DSCAM: variants seen among roughly 807,000 people sequenced by gnomAD.
DSCAM encodes the protein DS cell adhesion molecule.
A neutral mutation model predicts 217.7 loss-of-function variants in DSCAM; 47 were observed. The ratio of observed to expected loss-of-function variants is 0.22; its 90% CI spans 0.17 to 0.28. The LOEUF (loss-of-function observed/expected upper bound fraction) is 0.28. DSCAM is among the 10% of genes least tolerant of loss of function. The pLI, the probability that DSCAM is intolerant of heterozygous loss-of-function variation, is 1.00. For missense variants in DSCAM, 2,080 were observed against 2,618.3 expected (o/e 0.79, Z 4.49); for synonymous variants, 1,056 against 1,015.3 (o/e 1.04, Z -0.76).
Position 40,547,239 on chromosome 21 carries a change from T to C in DSCAM, c.508+145571A>G, listed in dbSNP as rs575924893. Among the ~76,000 whole-genome samples, 12 of 152,178 alleles carry C rather than the reference T, an allele frequency of 7.9e-5. No individual in the cohort carries two copies. In the South Asian group the frequency reaches 2.5e-3, roughly 32 times the overall value. ...TTCTAGAATCCATTTTTCTCCACAC[T>C]CCCACACCACGGCCTTCCTTTCTTG... is the stretch of plus-strand genomic sequence containing the variant. On this transcript the variant is annotated intron_variant, in intron 3 of 32. Coordinates refer to ENST00000400454, the MANE Select transcript of DSCAM (RefSeq NM_001389.5).
At chr21:40,114,401 C>A (rs1287564632) in intron 20 of DSCAM, among the ~76,000 whole-genome samples, 2 of 151,276 alleles carry the variant, frequency 1.3e-5, no homozygotes, top group African/African-American at 4.8e-5. Context: ...ACACCTTATA[C>A]AAAAATTAAT....
chr21:40,119,928 G>A (rs150529951), intron 20 of DSCAM, among the ~76,000 whole-genome samples: 150 of 152,130 alleles, frequency 9.9e-4, no homozygotes, highest in African/African-American at 3.2e-3. Context: ...TGAGATTCCT[G>A]CACATTTCTG....
chr21:40,655,058 G>A (rs1386603190), intron 3 of DSCAM, among the ~76,000 whole-genome samples: 18 of 152,078 alleles, frequency 1.2e-4, no homozygotes, highest in Admixed American at 9.8e-4. Flanking sequence ...GGGAGATTCC[G>A]AAGCAGCCAG....
chr21:40,273,124 A>C (rs1294291903), intron 11 of DSCAM, among the ~76,000 whole-genome samples: 2 of 152,124 alleles, frequency 1.3e-5, no homozygotes, highest in African/African-American at 4.8e-5. Flanking sequence ...CTGTGCCATC[A>C]ATATACATTT....
intron 3 of DSCAM, among the ~76,000 whole-genome samples, chr21:40,532,551 T>A (rs556779442): frequency 6.6e-6 from 1 of 152,190 alleles, no homozygotes; most frequent in South Asian, 2.1e-4. Context: ...CTCATGCAGG[T>A]CATGATTTAT....
chr21:40,212,126 C>T (rs778671849), intron 11 of DSCAM, among the ~76,000 whole-genome samples: 2 of 151,848 alleles, frequency 1.3e-5, no homozygotes, highest in Admixed American at 6.6e-5. Flanking sequence ...TGCACCACCA[C>T]GCCTGGCTAA....
intron 1 of DSCAM, among the ~76,000 whole-genome samples, chr21:40,803,786 A>C (rs1001297219): frequency 3.3e-5 from 5 of 152,082 alleles, no homozygotes; most frequent in Admixed American, 6.5e-5. Context: ...GAAAAAAAAA[A>C]CACCTTTATA....
At chr21:40,210,528 G>A (rs2091171493) in intron 11 of DSCAM, among the ~76,000 whole-genome samples, 1 of 152,092 alleles carries the variant, frequency 6.6e-6, no homozygotes, top group Admixed American at 6.6e-5. Flanking sequence ...CAGTAGACTA[G>A]ATGCCTTCAT....
chr21:40,793,801 T>G (rs1042565472), intron 1 of DSCAM, among the ~76,000 whole-genome samples: 1 of 152,108 alleles, frequency 6.6e-6, no homozygotes. Context: ...TGTTCTACCA[T>G]TTTTTATAGG....
At position 40,062,861 on chromosome 21, in the gene DSCAM, G is replaced by A; in HGVS notation, c.4919+8C>T. On this transcript the variant is annotated splice_region_variant and intron_variant, in intron 28 of 32. Coordinates refer to ENST00000400454, the MANE Select transcript of DSCAM (RefSeq NM_001389.5). ...CATGATATCTGGGGTGCTAGGTCTT[G>A]TTCTTACCTCATGAGCATTTCAGCT... 1 of 1,591,662 alleles carries A rather than the reference G, an allele frequency of 6.3e-7. No individual in the cohort carries two copies. The highest frequency in any genetic ancestry group is 1.4e-5 in the African/African-American group (1 of 73,794).
intron 3 of DSCAM, among the ~76,000 whole-genome samples, chr21:40,534,382 C>T (rs964146921): frequency 6.6e-6 from 1 of 152,144 alleles, no homozygotes; most frequent in African/African-American, 2.4e-5. Context: ...AGTTCAGAAG[C>T]AAGTCAAGGT....
chr21:40,541,843 AGAC>A (rs1360427415), intron 3 of DSCAM, among the ~76,000 whole-genome samples: 1 of 152,212 alleles, frequency 6.6e-6, no homozygotes, highest in East Asian at 1.9e-4. Context: ...AAGTAGTAGA[AGAC>A]AAGTATTTGG....
chr21:40,347,821 G>C lies in DSCAM; in HGVS notation c.1059C>G (p.Ile353Met), dbSNP rs749919973. The C allele has an allele frequency of 1.9e-6, 3 of 1,614,042 alleles. No individual in the cohort carries two copies. The highest frequency in any genetic ancestry group is 2.5e-6 in the Non-Finnish European group (3 of 1,180,030). The change falls in exon 6 of 33, where the codon ATC becomes ATG. Residue 353 changes from isoleucine to methionine, a missense_variant. Coordinates refer to ENST00000400454, the MANE Select transcript of DSCAM (RefSeq NM_001389.5). Reference protein sequence around the residue: ...QELSWYRNGEILNPGKNVRIT... With the variant: ...QELSWYRNGEMLNPGKNVRIT... ...TCCTCACATTTTTTCCAGGGTTGAG[G>C]ATTTCACCATTGCGGTACCAGGAGA...
At position 40,305,770 on chromosome 21, in the gene DSCAM, C is replaced by A. The variant is rs978314284; in HGVS notation, c.2062+6311G>T. Among the ~76,000 whole-genome samples the A allele has an allele frequency of 2.6e-5, 4 of 152,124 alleles. 1 individual carries two copies. On this transcript the variant is annotated intron_variant, in intron 9 of 32. Coordinates refer to ENST00000400454, the MANE Select transcript of DSCAM (RefSeq NM_001389.5). Reference sequence around the variant, plus strand: ...CAGTTGTAGATATGTGGCGTTATTTCTGAGGGCTCTGTTCTGTTCCATTGG... The same window carrying A: ...CAGTTGTAGATATGTGGCGTTATTTATGAGGGCTCTGTTCTGTTCCATTGG...
chr21:40,297,385 G>A (rs1223747150), intron 9 of DSCAM, among the ~76,000 whole-genome samples: 1 of 152,146 alleles, frequency 6.6e-6, no homozygotes, highest in African/African-American at 2.4e-5. Context: ...ATTCATTACA[G>A]GGTAGACTTT....
rs554945355 is a variant in DSCAM at position 40,345,931 on chromosome 21, C to T, written c.1210+1739G>A. On this transcript the variant is annotated intron_variant, in intron 6 of 32. Coordinates refer to ENST00000400454, the MANE Select transcript of DSCAM (RefSeq NM_001389.5). The stretch of plus-strand genomic sequence containing the variant: ...TCGGCCCCCTTTTTAGTTCAAGTGA[C>T]AGGCTCTTTTGGAGATGAAAGCAGA... Among the ~76,000 whole-genome samples the T allele has an allele frequency of 3.2e-4, 48 of 152,338 alleles. No homozygotes were observed. In the South Asian group the frequency reaches 9.5e-3, roughly 30 times the overall value.
At chr21:40,493,209 T>C (rs1436874756) in intron 3 of DSCAM, among the ~76,000 whole-genome samples, 5 of 152,296 alleles carry the variant, frequency 3.3e-5, no homozygotes, top group South Asian at 2.1e-4. Flanking sequence ...AATGTCAAAA[T>C]TTTACATTTT....
At chr21:40,659,246 T>C (rs1292545642) in intron 3 of DSCAM, among the ~76,000 whole-genome samples, 2 of 152,198 alleles carry the variant, frequency 1.3e-5, no homozygotes, top group Non-Finnish European at 2.9e-5. Context: ...CATGCATTCT[T>C]CCCTTCCTCC....
chr21:40,498,986 T>G (rs1280917089), intron 3 of DSCAM, among the ~76,000 whole-genome samples: 1 of 151,642 alleles, frequency 6.6e-6, no homozygotes, highest in East Asian at 1.9e-4. Flanking sequence ...AGCAATGTAA[T>G]ACGCAGCTCA....
Sources: gnomAD v4.1 joint callset for allele counts (sites outside exome capture counted in the v4.1 genomes callset) on GRCh38, gnomAD v4.1.1 for gene constraint, MANE v1.5 for transcripts, NCBI Gene and HGNC (gene_info 2026-07-23, HGNC 2026-07-21) for gene names.